PHTF2: variants seen among roughly 807,000 people sequenced by gnomAD.
PHTF2 encodes the protein putative homeodomain transcription factor 2, also known as protein PHTF2.
Under a neutral mutation model 101.2 loss-of-function variants are expected in PHTF2, and 60 were observed. The ratio of observed to expected loss-of-function variants is 0.59; its 90% CI spans 0.48 to 0.73. The LOEUF (loss-of-function observed/expected upper bound fraction) is 0.73. Among genes scored for constraint, PHTF2 ranks in the 30% least tolerant of loss-of-function variants. The pLI is 0.00. For missense variants in PHTF2, 747 were observed against 908.7 expected (o/e 0.82, Z 2.29); for synonymous variants, 311 against 307.3 (o/e 1.01, Z -0.13).
At chr7:77,932,619 AGAGTGTGTGTGT>A (rs1481515484) in intron 12 of PHTF2, among the ~76,000 whole-genome samples, 325 of 111,650 alleles carry the variant, frequency 2.9e-3, no homozygotes, top group African/African-American at 5.5e-3. Flanking sequence ...AGAGAGAGAG[AGAGTGTGTGTGT>A]GTGTGTGTGT....
chr7:77,835,104 C>T (rs1412557351), intron 1 of PHTF2, among the ~76,000 whole-genome samples: 1 of 151,912 alleles, frequency 6.6e-6, no homozygotes, highest in Non-Finnish European at 1.5e-5. Context: ...GAAACCCTGT[C>T]TCTACTAAAA....
In PHTF2 at chr7:77,910,767, G is replaced by A. The variant is rs188390618; in HGVS notation, c.776+358G>A. Among the ~76,000 whole-genome samples, 273 of 151,986 alleles carry A rather than the reference G, an allele frequency of 1.8e-3. 2 individuals carry two copies. The highest frequency in any genetic ancestry group is 6.2e-3 in the African/African-American group (256 of 41,454). ...AGTGATTCTCCTGCCTCAGCCACCC[G>A]AGTAGCTGGGCTTACAGGCACGTGC... On this transcript the variant is annotated intron_variant, in intron 9 of 19. Transcript: ENST00000416283.
intron 1 of PHTF2, among the ~76,000 whole-genome samples, chr7:77,824,288 T>G (rs1328574921): frequency 1.3e-5 from 2 of 151,876 alleles, no homozygotes; most frequent in Non-Finnish European, 2.9e-5. Context: ...GAGGTAGTTG[T>G]AACAAATTCA....
intron 3 of PHTF2, among the ~76,000 whole-genome samples, chr7:77,890,410 GTA>G (rs1800282898): frequency 6.6e-6 from 1 of 151,634 alleles, no homozygotes; most frequent in Non-Finnish European, 1.5e-5. Flanking sequence ...TATAGGACAT[GTA>G]TCTACACATT....
chr7:77,799,723 C>T (rs1584322943), intron 1 of PHTF2, among the ~76,000 whole-genome samples: 1 of 152,182 alleles, frequency 6.6e-6, no homozygotes, highest in African/African-American at 2.4e-5. Flanking sequence ...ATCATTCTGT[C>T]ACTAATCTGT....
At chr7:77,913,720 A>G (rs532967939) in intron 9 of PHTF2, among the ~76,000 whole-genome samples, 2 of 152,166 alleles carry the variant, frequency 1.3e-5, no homozygotes, top group Admixed American at 1.3e-4. Flanking sequence ...AAGTGTTGAG[A>G]TTACAGGTGT....
Position 77,952,425 on chromosome 7 carries a change from A to C in PHTF2, c.2211+713A>C, listed in dbSNP as rs767430429. On this transcript the variant is annotated intron_variant, in intron 18 of 19. Transcript: ENST00000416283. ...GTGAATTGGGTATAGACTATGCACC[A>C]CATAGTATTGAAGGGTTCAGAAGAA... 2.0e-4 allele frequency among the ~76,000 whole-genome samples: 31 copies of C among 152,200 alleles called. 1 individual carries two copies. Among genetic ancestry groups the C allele is most frequent in the Non-Finnish European group, 4.4e-5 (3 of 68,018 alleles).
At chr7:77,840,570 T>C (rs1795789671) in intron 2 of PHTF2, among the ~76,000 whole-genome samples, 1 of 152,176 alleles carries the variant, frequency 6.6e-6, no homozygotes, top group African/African-American at 2.4e-5. Flanking sequence ...TATAAAAACA[T>C]TAACACTTTC....
intron 3 of PHTF2, among the ~76,000 whole-genome samples, chr7:77,858,847 A>G (rs922957074): frequency 6.6e-6 from 1 of 152,210 alleles, no homozygotes; most frequent in Non-Finnish European, 1.5e-5. Flanking sequence ...ATAACAAGAT[A>G]TAAGAAGTTA....
intron 3 of PHTF2, among the ~76,000 whole-genome samples, chr7:77,884,156 A>C (rs993838862): frequency 4.6e-5 from 7 of 152,178 alleles, no homozygotes; most frequent in African/African-American, 1.7e-4. Flanking sequence ...CAAAGTGTTA[A>C]AATCCAGCAC....
At chr7:77,902,759 A>T (rs1801515678) in intron 7 of PHTF2, among the ~76,000 whole-genome samples, 1 of 152,164 alleles carries the variant, frequency 6.6e-6, no homozygotes, top group East Asian at 1.9e-4. Flanking sequence ...TGATTATTTA[A>T]ATTTGTTTTA....
At chr7:77,812,245 A>G (rs935241969) in intron 1 of PHTF2, among the ~76,000 whole-genome samples, 1 of 152,140 alleles carries the variant, frequency 6.6e-6, no homozygotes, top group African/African-American at 2.4e-5. Context: ...AAGAAATGAC[A>G]CACATTTATT....
intron 1 of PHTF2, among the ~76,000 whole-genome samples, chr7:77,826,739 G>A (rs1794721545): frequency 6.6e-6 from 1 of 152,168 alleles, no homozygotes; most frequent in African/African-American, 2.4e-5. Context: ...TTTTCAAAGA[G>A]GATGATGGAA....
At chr7:77,843,628 C>G (rs1796053797) in intron 2 of PHTF2, among the ~76,000 whole-genome samples, 1 of 152,332 alleles carries the variant, frequency 6.6e-6, no homozygotes, top group East Asian at 1.9e-4. Flanking sequence ...AGAACTGCAG[C>G]TGTACTTACT....
intron 1 of PHTF2, among the ~76,000 whole-genome samples, chr7:77,838,575 C>A (rs74302379): frequency 5.3e-5 from 8 of 152,100 alleles, no homozygotes; most frequent in Admixed American, 4.6e-4. Flanking sequence ...ACTGTATGTC[C>A]TGGACTGTGG....
chr7:77,905,654 C>T (rs974041160), intron 7 of PHTF2, among the ~76,000 whole-genome samples: 9 of 151,918 alleles, frequency 5.9e-5, no homozygotes, highest in African/African-American at 2.2e-4. Context: ...CACTGCCATT[C>T]CCAGCTAATT....
intron 7 of PHTF2, among the ~76,000 whole-genome samples, chr7:77,903,173 T>A (rs1191204623): frequency 6.6e-6 from 1 of 152,172 alleles, no homozygotes; most frequent in African/African-American, 2.4e-5. Flanking sequence ...ACTTCAATAT[T>A]GGGCAGTTAA....
intron 3 of PHTF2, among the ~76,000 whole-genome samples, chr7:77,856,022 A>G (rs1396902295): frequency 6.6e-6 from 1 of 152,188 alleles, no homozygotes; most frequent in Non-Finnish European, 1.5e-5. Flanking sequence ...TTCTTCTGGT[A>G]GCATGATTGC....
intron 1 of PHTF2, among the ~76,000 whole-genome samples, chr7:77,823,839 C>T (rs886600494): frequency 6.6e-6 from 1 of 152,138 alleles, no homozygotes; most frequent in Non-Finnish European, 1.5e-5. Context: ...AATAATAAAT[C>T]TATGGTCAAA....
Sources: gnomAD v4.1 joint callset for allele counts (sites outside exome capture counted in the v4.1 genomes callset) on GRCh38, gnomAD v4.1.1 for gene constraint, MANE v1.5 for transcripts, NCBI Gene and HGNC (gene_info 2026-07-23, HGNC 2026-07-21) for gene names.